CCDC3: variants seen among roughly 807,000 people sequenced by gnomAD.
CCDC3 encodes coiled-coil domain containing 3.
CCDC3 carries 24 observed loss-of-function variants against 21.4 expected under a neutral mutation model. The observed-to-expected ratio is 1.12, with a 90% CI of 0.81 to 1.58. The LOEUF (loss-of-function observed/expected upper bound fraction) is 1.58, where lower values mean the gene tolerates loss of function less well. Ranked by LOEUF, CCDC3 falls within the 40% of genes most tolerant of loss-of-function variation. CCDC3 has a pLI of 0.00. For missense variants in CCDC3, 425 were observed against 360.9 expected (o/e 1.18, Z -1.44); for synonymous variants, 186 against 166.0 (o/e 1.12, Z -0.93).
upstream of CCDC3, among the ~76,000 whole-genome samples, chr10:13,004,387 G>A (rs1659836): frequency 5.7e-3 from 864 of 152,280 alleles, 10 homozygotes; most frequent in African/African-American, 0.02. Flanking sequence ...TCATTGCTGT[G>A]AAAGAAGCAA....
At chr10:12,932,056 C>T (rs1834654849) in intron 2 of CCDC3, among the ~76,000 whole-genome samples, 1 of 152,182 alleles carries the variant, frequency 6.6e-6, no homozygotes, top group African/African-American at 2.4e-5. Flanking sequence ...TCTTCCTATC[C>T]ATAAACAAAT....
rs555023922 is a variant in CCDC3 at position 13,066,584 on chromosome 10, T to C, written c.-270+7284A>G. 4.9e-4 allele frequency among the ~76,000 whole-genome samples: 74 copies of C among 152,366 alleles called. 1 individual carries two copies. Among genetic ancestry groups the C allele is most frequent in the African/African-American group, 1.8e-3 (73 of 41,586 alleles). ...TTAAGGCAAACAGCAAAACCCATAGTATTTGTATACCATGATGAGACAGCC... is the reference window on the plus strand; with the variant it reads ...TTAAGGCAAACAGCAAAACCCATAGCATTTGTATACCATGATGAGACAGCC... On this transcript the variant is annotated intron_variant, in intron 4 of 6. Transcript: ENST00000378839.
intron 5 of CCDC3, among the ~76,000 whole-genome samples, chr10:13,029,015 TCTGA>T (rs1241522245): frequency 1.3e-5 from 2 of 152,202 alleles, no homozygotes; most frequent in Non-Finnish European, 2.9e-5. Context: ...GAAAATTCCC[TCTGA>T]CTGAGTAGCC....
chr10:13,089,775 C>G (rs1837158414), intron 3 of CCDC3, among the ~76,000 whole-genome samples: 1 of 151,650 alleles, frequency 6.6e-6, no homozygotes, highest in Non-Finnish European at 1.5e-5. Context: ...TTTGGTGCTC[C>G]CATCACCCGA....
intron 3 of CCDC3, among the ~76,000 whole-genome samples, chr10:13,095,073 G>A (rs573316068): frequency 1.2e-4 from 19 of 152,252 alleles, no homozygotes; most frequent in African/African-American, 4.6e-4. Flanking sequence ...TTGCTTTCAT[G>A]CTGGATTTCA....
chr10:12,992,263 G>C (rs190467558), intron 2 of CCDC3, among the ~76,000 whole-genome samples: 2 of 151,918 alleles, frequency 1.3e-5, no homozygotes, highest in Non-Finnish European at 2.9e-5. Context: ...GGTGCTGGGC[G>C]CCTGTAGTCC....
chr10:12,931,615 G>A (rs1468384239), intron 2 of CCDC3, among the ~76,000 whole-genome samples: 2 of 152,224 alleles, frequency 1.3e-5, no homozygotes, highest in African/African-American at 4.8e-5. Context: ...TAAATCAGTG[G>A]TGTTCTGAGA....
At chr10:12,977,835 G>A (rs966808778) in intron 2 of CCDC3, among the ~76,000 whole-genome samples, 6 of 152,266 alleles carry the variant, frequency 3.9e-5, no homozygotes, top group African/African-American at 1.4e-4. Context: ...TTCATTAGCA[G>A]TTTCAGATAA....
intron 2 of CCDC3, among the ~76,000 whole-genome samples, chr10:12,945,149 C>T (rs1374884801): frequency 1.3e-5 from 2 of 152,084 alleles, no homozygotes; most frequent in Non-Finnish European, 2.9e-5. Context: ...AATTATGATT[C>T]ATAAATTTGT....
At chr10:12,989,749 A>T (rs908492176) in intron 2 of CCDC3, among the ~76,000 whole-genome samples, 24 of 152,234 alleles carry the variant, frequency 1.6e-4, no homozygotes, top group Middle Eastern at 3.4e-3. Flanking sequence ...AGTCCATGAG[A>T]TCAAAACTAT....
chr10:13,005,288 GC>G (rs1164708773), upstream of CCDC3, among the ~76,000 whole-genome samples: 4 of 152,172 alleles, frequency 2.6e-5, no homozygotes, highest in African/African-American at 4.8e-5. Flanking sequence ...TCTTCAAGAG[GC>G]CATAAACCAT....
intron 2 of CCDC3, among the ~76,000 whole-genome samples, chr10:12,997,695 C>A (rs1391395646): frequency 6.6e-6 from 1 of 152,226 alleles, no homozygotes; most frequent in Non-Finnish European, 1.5e-5. Flanking sequence ...CCATGACAAT[C>A]ATACACAGTC....
intron 2 of CCDC3, among the ~76,000 whole-genome samples, chr10:12,924,962 C>T (rs532876262): frequency 6.6e-6 from 1 of 152,130 alleles, no homozygotes; most frequent in African/African-American, 2.4e-5. Flanking sequence ...AAAGTGAAAT[C>T]GATGTGGCAG....
intron 3 of CCDC3, among the ~76,000 whole-genome samples, chr10:13,082,457 G>T (rs534758851): frequency 6.6e-6 from 1 of 152,240 alleles, no homozygotes; most frequent in Admixed American, 6.5e-5. Flanking sequence ...GACCAGGAGC[G>T]TGACCGCTGA....
At chr10:13,023,263 A>G (rs1383955717) in intron 5 of CCDC3, among the ~76,000 whole-genome samples, 1 of 152,174 alleles carries the variant, frequency 6.6e-6, no homozygotes, top group African/African-American at 2.4e-5. Context: ...AAACAATAAC[A>G]ATGTAACGTT....
At chr10:13,063,852 C>T (rs545129674) in intron 4 of CCDC3, among the ~76,000 whole-genome samples, 4 of 152,118 alleles carry the variant, frequency 2.6e-5, no homozygotes, top group Admixed American at 6.5e-5. Context: ...CTTTTTATCC[C>T]GAGGAAGATT....
intron 5 of CCDC3, among the ~76,000 whole-genome samples, chr10:13,019,660 T>A (rs895466259): frequency 1.3e-5 from 2 of 152,328 alleles, no homozygotes; most frequent in Non-Finnish European, 1.5e-5. Context: ...ACATGACTCA[T>A]GATAACGTTT....
intron 2 of CCDC3, among the ~76,000 whole-genome samples, chr10:12,951,826 A>AAAAAAAT (rs1835013497): frequency 6.6e-6 from 1 of 151,244 alleles, no homozygotes; most frequent in Non-Finnish European, 1.5e-5. Context: ...AAAAAAAAAA[A>AAAAAAAT]AGTTGTTCTT....
chr10:12,913,502 G>A (rs1444703658), intron 2 of CCDC3, among the ~76,000 whole-genome samples: 1 of 152,136 alleles, frequency 6.6e-6, no homozygotes, highest in Non-Finnish European at 1.5e-5. Flanking sequence ...GGTTCTTTTT[G>A]TGTGTAAGAT....
Sources: allele counts gnomAD v4.1 joint callset (sites outside exome capture counted in the v4.1 genomes callset), GRCh38; gene constraint gnomAD v4.1.1; transcripts MANE v1.5; gene names NCBI Gene and HGNC (gene_info 2026-07-23, HGNC 2026-07-21).